The following AKAP19 variants were observed in gnomAD, a reference collection of about 807,000 sequenced individuals.
The protein encoded by AKAP19 is small A-kinase anchoring protein.
the AKAP19 span, among the ~76,000 whole-genome samples, chr2:190,028,643 T>C: frequency 6.6e-6 from 1 of 152,190 alleles, no homozygotes; most frequent in Admixed American, 6.5e-5. Flanking sequence ...AACATATAAG[T>C]ATACTTAGTA....
At chr2:190,026,886 T>G in the AKAP19 span, among the ~76,000 whole-genome samples, 2 of 152,258 alleles carry the variant, frequency 1.3e-5, no homozygotes, top group South Asian at 4.2e-4. Flanking sequence ...TTTCACAGAA[T>G]ACCTAGATTA....
At chr2:190,152,006 A>C in the AKAP19 span, among the ~76,000 whole-genome samples, 9 of 103,680 alleles carry the variant, frequency 8.7e-5, no homozygotes, top group African/African-American at 2.5e-4. Context: ...AAAAAACAAA[A>C]AACAACAACA....
chr2:190,089,084 T>C, the AKAP19 span, among the ~76,000 whole-genome samples: 1 of 152,178 alleles, frequency 6.6e-6, no homozygotes, highest in Non-Finnish European at 1.5e-5. Flanking sequence ...CTCTTTCATG[T>C]TGTAGTTGAT....
At chr2:190,043,733 A>G in the AKAP19 span, among the ~76,000 whole-genome samples, 2 of 152,212 alleles carry the variant, frequency 1.3e-5, no homozygotes, top group South Asian at 4.1e-4. Flanking sequence ...TTGTTGGAGA[A>G]CTGGTGCAGT....
chr2:189,997,139 G>A, the AKAP19 span, among the ~76,000 whole-genome samples: 42 of 152,242 alleles, frequency 2.8e-4, no homozygotes, highest in Admixed American at 1.2e-3. Context: ...GTTGCAGGCA[G>A]TGGAGTTAGC....
At chr2:190,104,649 G>A in the AKAP19 span, among the ~76,000 whole-genome samples, 34 of 152,036 alleles carry the variant, frequency 2.2e-4, no homozygotes, top group African/African-American at 7.7e-4. Flanking sequence ...AATTAACCAG[G>A]CATGGTGGTG....
the AKAP19 span, among the ~76,000 whole-genome samples, chr2:189,981,952 A>G: frequency 1.6e-3 from 238 of 152,126 alleles, no homozygotes; most frequent in African/African-American, 5.6e-3. Flanking sequence ...TTTCACATTG[A>G]CCTTGGATAC....
At chr2:189,931,256 T>A in the AKAP19 span, among the ~76,000 whole-genome samples, 1 of 152,176 alleles carries the variant, frequency 6.6e-6, no homozygotes, top group African/African-American at 2.4e-5. Context: ...TTACAAAAAT[T>A]GTAAAAATAG....
At chr2:190,020,632 T>C in the AKAP19 span, among the ~76,000 whole-genome samples, 1 of 152,192 alleles carries the variant, frequency 6.6e-6, no homozygotes, top group Non-Finnish European at 1.5e-5. Flanking sequence ...TTTTTAAGTG[T>C]ACAATTTAGT....
the AKAP19 span, among the ~76,000 whole-genome samples, chr2:190,157,144 G>A: frequency 1.3e-4 from 20 of 152,272 alleles, no homozygotes; most frequent in African/African-American, 4.6e-4. Context: ...TATGTGGTAG[G>A]TGGTAATAAT....
chr2:189,957,010 T>C, the AKAP19 span, among the ~76,000 whole-genome samples: 1 of 152,276 alleles, frequency 6.6e-6, no homozygotes, highest in East Asian at 1.9e-4. Context: ...ACCTTGTCTC[T>C]ACTAAAAATA....
the AKAP19 span, among the ~76,000 whole-genome samples, chr2:189,980,030 A>T: frequency 6.6e-6 from 1 of 152,212 alleles, no homozygotes; most frequent in Non-Finnish European, 1.5e-5. Flanking sequence ...AGAGCTTAGA[A>T]CTATCATTCA....
chr2:190,068,029 C>T, the AKAP19 span, among the ~76,000 whole-genome samples: 1 of 152,064 alleles, frequency 6.6e-6, no homozygotes, highest in Non-Finnish European at 1.5e-5. Flanking sequence ...TGGTGAAACA[C>T]CATTTCTGCT....
the AKAP19 span, among the ~76,000 whole-genome samples, chr2:189,935,698 T>C: frequency 3.3e-5 from 5 of 152,124 alleles, no homozygotes; most frequent in Admixed American, 6.5e-5. Flanking sequence ...AAAATGTCTT[T>C]ATCATGATTT....
chr2:190,193,434 T>C, the AKAP19 span, among the ~76,000 whole-genome samples: 1 of 152,178 alleles, frequency 6.6e-6, no homozygotes, highest in African/African-American at 2.4e-5. Context: ...TCGGGAAATC[T>C]TTCTTTCCTC....
At chr2:189,887,234 C>T in the AKAP19 span, among the ~76,000 whole-genome samples, 15 of 151,402 alleles carry the variant, frequency 9.9e-5, no homozygotes, top group Non-Finnish European at 1.9e-4. Flanking sequence ...AGTGAGAACA[C>T]GCAGTGTTCC....
At chr2:189,931,701 C>G in the AKAP19 span, among the ~76,000 whole-genome samples, 1 of 152,084 alleles carries the variant, frequency 6.6e-6, no homozygotes, top group Admixed American at 6.6e-5. Flanking sequence ...CTCACTGCAG[C>G]CTTGACTTTT....
chr2:190,036,151 T>C, the AKAP19 span, among the ~76,000 whole-genome samples: 8 of 152,214 alleles, frequency 5.3e-5, no homozygotes, highest in African/African-American at 1.9e-4. Context: ...ACTTGGTGAT[T>C]TTTATTACTC....
the AKAP19 span, among the ~76,000 whole-genome samples, chr2:190,036,530 T>C: frequency 1.2e-4 from 19 of 152,240 alleles, no homozygotes; most frequent in Admixed American, 1.1e-3. Flanking sequence ...CCGTAAACAA[T>C]GGCATTATTA....
Sources: allele counts gnomAD v4.1 joint callset (sites outside exome capture counted in the v4.1 genomes callset), GRCh38; gene constraint gnomAD v4.1.1; transcripts MANE v1.5; gene names NCBI Gene and HGNC (gene_info 2026-07-23, HGNC 2026-07-21).